Variants in SLC9A9 observed in about 807,000 individuals in gnomAD.
The protein encoded by SLC9A9 is solute carrier family 9 member A9, also known as sodium/hydrogen exchanger 9.
A neutral mutation model predicts 77.8 loss-of-function variants in SLC9A9; 62 were observed. The ratio of observed to expected loss-of-function variants is 0.80; its 90% CI spans 0.65 to 0.98. The LOEUF (loss-of-function observed/expected upper bound fraction) is 0.98, where lower values mean the gene tolerates loss of function less well. Ranked by LOEUF, SLC9A9 falls within the 50% of genes least tolerant of loss-of-function variation. The pLI, the probability that SLC9A9 is intolerant of heterozygous loss-of-function variation, is 0.00. For synonymous variants in SLC9A9, 320 were observed against 283.5 expected (o/e 1.13, Z -1.29); for missense variants, 775 against 774.9 (o/e 1.00, Z 0.00).
intron 5 of SLC9A9, among the ~76,000 whole-genome samples, chr3:143,691,176 C>G (rs1326398245): frequency 3.3e-5 from 5 of 152,102 alleles, no homozygotes; most frequent in Non-Finnish European, 7.4e-5. Context: ...ACCTCAGCCT[C>G]CCAAGTAGCT....
chr3:143,281,176 C>T (rs988811011), intron 14 of SLC9A9, among the ~76,000 whole-genome samples: 6 of 152,132 alleles, frequency 3.9e-5, no homozygotes, highest in African/African-American at 9.7e-5. Context: ...GGGAGGCCTC[C>T]GGTGAAGGTG....
At chr3:143,781,759 C>T (rs1229130386) in intron 4 of SLC9A9, among the ~76,000 whole-genome samples, 26 of 152,178 alleles carry the variant, frequency 1.7e-4, no homozygotes, top group Admixed American at 1.5e-3. Context: ...TCAATGTTAA[C>T]GCAATGAGGT....
intron 4 of SLC9A9, among the ~76,000 whole-genome samples, chr3:143,744,026 G>T (rs757503437): frequency 2.6e-5 from 4 of 152,158 alleles, no homozygotes; most frequent in Non-Finnish European, 5.9e-5. Context: ...ATGGATGCAG[G>T]TGACGAGCAG....
chr3:143,279,582 G>T (rs1397716183), intron 14 of SLC9A9, among the ~76,000 whole-genome samples: 1 of 151,844 alleles, frequency 6.6e-6, no homozygotes, highest in Non-Finnish European at 1.5e-5. Context: ...ACCACTCAAC[G>T]GGCCCCAGTG....
At chr3:143,334,495 A>G (rs536671254) in intron 14 of SLC9A9, among the ~76,000 whole-genome samples, 1 of 152,306 alleles carries the variant, frequency 6.6e-6, no homozygotes, top group African/African-American at 2.4e-5. Flanking sequence ...AGTCTGATGG[A>G]TTTTGGTTCA....
intron 4 of SLC9A9, among the ~76,000 whole-genome samples, chr3:143,739,447 C>T (rs1328511042): frequency 3.3e-5 from 5 of 152,208 alleles, no homozygotes; most frequent in South Asian, 4.1e-4. Flanking sequence ...AAAGTGTTAG[C>T]GCTGAGGTTT....
chr3:143,454,609 A>G (rs2035057545), intron 12 of SLC9A9, among the ~76,000 whole-genome samples: 1 of 152,266 alleles, frequency 6.6e-6, no homozygotes, highest in South Asian at 2.1e-4. Flanking sequence ...AACACCTATT[A>G]GCTCCCAGTT....
At chr3:143,363,004 T>C (rs1270366249) in intron 14 of SLC9A9, among the ~76,000 whole-genome samples, 2 of 152,210 alleles carry the variant, frequency 1.3e-5, no homozygotes, top group Non-Finnish European at 2.9e-5. Flanking sequence ...GCCCATTTAT[T>C]TTTGTTCCCT....
chr3:143,799,248 C>A (rs570090938), intron 2 of SLC9A9, among the ~76,000 whole-genome samples: 1 of 152,294 alleles, frequency 6.6e-6, no homozygotes, highest in East Asian at 1.9e-4. Context: ...CTGCCCTAGA[C>A]CCATAGGGGC....
chr3:143,313,444 G>A (rs2031092260), intron 14 of SLC9A9: 1 of 152,212 alleles, frequency 6.6e-6, no homozygotes, highest in Admixed American at 6.5e-5. Context: ...GACTGGCAGA[G>A]TCATCTAAGT....
At chr3:143,841,296 T>G (rs1183138890) in intron 1 of SLC9A9, among the ~76,000 whole-genome samples, 1 of 152,188 alleles carries the variant, frequency 6.6e-6, no homozygotes, top group Non-Finnish European at 1.5e-5. Context: ...AGCCCTGGCA[T>G]TTAGTACATG....
At chr3:143,345,225 T>A (rs149694675) in intron 14 of SLC9A9, among the ~76,000 whole-genome samples, 49 of 152,326 alleles carry the variant, frequency 3.2e-4, no homozygotes, top group African/African-American at 1.2e-3. Context: ...GTAATCCAAG[T>A]ATACAGATGG....
rs764905265 is a variant in SLC9A9, at chr3:143,767,713, G to C, written c.533+27288C>G. Reference sequence around the variant, plus strand: ...TCCTTTACAACACAATTTTTTTAAAGTTCAATACATGTTTAAAAATTGCCT... The same window carrying C: ...TCCTTTACAACACAATTTTTTTAAACTTCAATACATGTTTAAAAATTGCCT... On this transcript the variant is annotated intron_variant, in intron 4 of 15. Transcript: ENST00000316549. Among the ~76,000 whole-genome samples, 70 of 152,076 alleles carry C rather than the reference G, an allele frequency of 4.6e-4. 1 individual carries two copies. Among genetic ancestry groups the C allele is most frequent in the Non-Finnish European group, 9.1e-4 (62 of 68,010 alleles).
At chr3:143,375,769 C>G (rs1173082382) in intron 13 of SLC9A9, among the ~76,000 whole-genome samples, 1 of 152,192 alleles carries the variant, frequency 6.6e-6, no homozygotes, top group Non-Finnish European at 1.5e-5. Flanking sequence ...TTGTTCACGC[C>G]TCTGAGATTT....
At chr3:143,417,752 CTGT>C (rs1015905806) in intron 12 of SLC9A9, among the ~76,000 whole-genome samples, 5 of 152,038 alleles carry the variant, frequency 3.3e-5, no homozygotes, top group African/African-American at 7.2e-5. Context: ...TAATAAGTGT[CTGT>C]TGTTTAAGGC....
At chr3:143,414,383 C>G (rs1447280607) in intron 12 of SLC9A9, among the ~76,000 whole-genome samples, 1 of 152,168 alleles carries the variant, frequency 6.6e-6, no homozygotes, top group Non-Finnish European at 1.5e-5. Flanking sequence ...TTTTCTTGCA[C>G]TTTGCAGATA....
intron 6 of SLC9A9, among the ~76,000 whole-genome samples, chr3:143,639,926 T>C (rs1366161904): frequency 6.6e-6 from 1 of 152,208 alleles, no homozygotes; most frequent in African/African-American, 2.4e-5. Context: ...ATAATTCATC[T>C]TCTTAAGTAC....
At chr3:143,839,065 G>A (rs2009642286) in intron 1 of SLC9A9, among the ~76,000 whole-genome samples, 1 of 152,134 alleles carries the variant, frequency 6.6e-6, no homozygotes, top group South Asian at 2.1e-4. Flanking sequence ...AGAATAGTCA[G>A]AGATGGAACA....
chr3:143,607,675 C>G, intron 6 of SLC9A9, among the ~76,000 whole-genome samples: 1 of 151,700 alleles, frequency 6.6e-6, no homozygotes, highest in East Asian at 1.9e-4. Flanking sequence ...AATAGAACAA[C>G]AACAACAAAA....
Sources: allele counts gnomAD v4.1 joint callset (sites outside exome capture counted in the v4.1 genomes callset), GRCh38; gene constraint gnomAD v4.1.1; transcripts MANE v1.5; gene names NCBI Gene and HGNC (gene_info 2026-07-23, HGNC 2026-07-21).